Variants in EXPH5 observed in about 807,000 individuals in gnomAD.
The protein encoded by EXPH5 is exophilin-5.
A neutral mutation model predicts 41.1 loss-of-function variants in EXPH5; 42 were observed. The ratio of observed to expected loss-of-function variants is 1.02; its 90% CI spans 0.80 to 1.32. EXPH5 has a LOEUF of 1.32. Ranked by LOEUF, EXPH5 falls within the 40% of genes most tolerant of loss-of-function variation. EXPH5 has a pLI of 0.00. For missense variants in EXPH5, 2,298 were observed against 2,314.5 expected (o/e 0.99, Z 0.15); for synonymous variants, 798 against 833.5 (o/e 0.96, Z 0.73).
At chr11:108,559,451 T>C (rs557871015) in intron 1 of EXPH5, among the ~76,000 whole-genome samples, 1 of 152,208 alleles carries the variant, frequency 6.6e-6, no homozygotes, top group African/African-American at 2.4e-5. Flanking sequence ...CTAGCACAGC[T>C]GCAAAGCAGG....
At chr11:108,532,362 ATATATT>A (rs2093847030) in intron 3 of EXPH5, among the ~76,000 whole-genome samples, 1 of 20,146 alleles carries the variant, frequency 5.0e-5, no homozygotes, top group African/African-American at 3.8e-4. Flanking sequence ...ATATATATAT[ATATATT>A]TTTTTTTTTT....
At chr11:108,569,070 T>G (rs1028185934) in intron 1 of EXPH5, among the ~76,000 whole-genome samples, 10 of 152,154 alleles carry the variant, frequency 6.6e-5, no homozygotes, top group Non-Finnish European at 1.5e-4. Context: ...CCTCTCACGT[T>G]GCACTCTGGT....
At chr11:108,541,937 G>C (rs961952784) in intron 1 of EXPH5, 125 bp from the exon 2 acceptor site, 1 of 688,428 alleles carries the variant, frequency 1.5e-6, no homozygotes, top group African/African-American at 1.9e-5. Flanking sequence ...GAGTGCAGTG[G>C]CACAACCTCG....
chr11:108,563,990 T>C (rs2094023793), intron 1 of EXPH5, among the ~76,000 whole-genome samples: 1 of 152,030 alleles, frequency 6.6e-6, no homozygotes, highest in South Asian at 2.1e-4. Flanking sequence ...AAAGGGATAG[T>C]AGGAGACGGC....
chr11:108,590,842 A>G (rs2136128796), intron 1 of EXPH5, among the ~76,000 whole-genome samples: 1 of 152,248 alleles, frequency 6.6e-6, no homozygotes, highest in African/African-American at 2.4e-5. Context: ...TTGTAGAGAC[A>G]TGGTCTCTCT....
At chr11:108,518,112 C>A in intron 5 of EXPH5, 123 bp downstream of exon 5, 1 of 814,856 alleles carries the variant, frequency 1.2e-6, no homozygotes, top group Non-Finnish European at 1.9e-6. Context: ...ATAAGCTAAA[C>A]ATGAGGATGT....
chr11:108,545,179 C>T (rs540806028), intron 1 of EXPH5, among the ~76,000 whole-genome samples: 3 of 152,174 alleles, frequency 2.0e-5, no homozygotes, highest in Non-Finnish European at 2.9e-5. Flanking sequence ...TTCGGGAGGC[C>T]GAGGCAGGAT....
intron 1 of EXPH5, among the ~76,000 whole-genome samples, chr11:108,585,920 A>G (rs536696876): frequency 2.0e-5 from 3 of 152,288 alleles, no homozygotes; most frequent in Middle Eastern, 6.8e-3. Context: ...AATATAAAGG[A>G]ATGAATTATT....
chr11:108,555,778 T>C (rs2093986990), intron 1 of EXPH5, among the ~76,000 whole-genome samples: 2 of 152,210 alleles, frequency 1.3e-5, no homozygotes, highest in African/African-American at 4.8e-5. Flanking sequence ...TTCTCTCTCC[T>C]GCCGCCATGT....
chr11:108,600,536 T>C, the EXPH5 span, among the ~76,000 whole-genome samples: 20 of 152,192 alleles, frequency 1.3e-4, no homozygotes, highest in African/African-American at 4.8e-4. Flanking sequence ...TTCCACTAAA[T>C]AGAATTTGAT....
At chr11:108,541,606 C>G in intron 2 of EXPH5, 46 bp downstream of exon 2, 1 of 1,362,688 alleles carries the variant, frequency 7.3e-7, no homozygotes, top group Non-Finnish European at 1.0e-6. Flanking sequence ...AATACTATGC[C>G]ACAGAAACAA....
rs79152694 is a variant in EXPH5 at position 108,561,728 on chromosome 11, A to G, written c.120-19916T>C. ...TTTCCTCTTGGCATGTCTTAAAATC[A>G]TAATGCCAAGTAAGACAAACTAAAG... On this transcript the variant is annotated intron_variant, in intron 1 of 5. Transcript: ENST00000265843. Among the ~76,000 whole-genome samples, 625 of 152,380 alleles carry G rather than the reference A, an allele frequency of 4.1e-3. 5 individuals carry two copies. The highest frequency in any genetic ancestry group is 0.014 in the African/African-American group (595 of 41,588).
chr11:108,525,911 T>C (rs2093795349), intron 4 of EXPH5, among the ~76,000 whole-genome samples: 1 of 139,838 alleles, frequency 7.2e-6, no homozygotes, highest in Non-Finnish European at 1.5e-5. Flanking sequence ...ATTTTTCTTT[T>C]TCTTTTCTTT....
At chr11:108,564,901 A>G (rs999473475) in intron 1 of EXPH5, among the ~76,000 whole-genome samples, 8 of 111,882 alleles carry the variant, frequency 7.2e-5, no homozygotes, top group Admixed American at 3.3e-4. Context: ...GGATATGTGT[A>G]GCTTTTTTTT....
the EXPH5 span, among the ~76,000 whole-genome samples, chr11:108,605,175 T>G: frequency 6.6e-6 from 1 of 152,044 alleles, no homozygotes; most frequent in South Asian, 2.1e-4. Flanking sequence ...CTTGAAAGGG[T>G]GCCTCAAGGT....
chr11:108,523,079 T>C (rs1180541336), intron 4 of EXPH5, among the ~76,000 whole-genome samples: 1 of 152,074 alleles, frequency 6.6e-6, no homozygotes, highest in East Asian at 1.9e-4. Context: ...GTTTGCTATG[T>C]TGCCCAGGCT....
intron 1 of EXPH5, among the ~76,000 whole-genome samples, chr11:108,578,877 T>C (rs1183917012): frequency 6.6e-6 from 1 of 152,246 alleles, no homozygotes; most frequent in Non-Finnish European, 1.5e-5. Context: ...ACTGAATTCT[T>C]TTATCAGTTC....
chr11:108,594,967 TAC>T (rs2094136595), upstream of EXPH5, among the ~76,000 whole-genome samples: 1 of 152,252 alleles, frequency 6.6e-6, no homozygotes, highest in South Asian at 2.1e-4. Context: ...ACCCATGGTG[TAC>T]ACAATACAGA....
chr11:108,606,766 T>C, the EXPH5 span, among the ~76,000 whole-genome samples: 79,199 of 151,906 alleles, frequency 0.52, 21,028 homozygotes, highest in East Asian at 0.72. Flanking sequence ...CTCTTTATAT[T>C]ACTTTTTGTT....
Sources: gnomAD v4.1 joint callset for allele counts (sites outside exome capture counted in the v4.1 genomes callset) on GRCh38, gnomAD v4.1.1 for gene constraint, MANE v1.5 for transcripts, NCBI Gene and HGNC (gene_info 2026-07-23, HGNC 2026-07-21) for gene names.